FSTL4: variants seen among roughly 807,000 people sequenced by gnomAD.
The protein encoded by FSTL4 is follistatin like 4.
FSTL4 carries 28 observed loss-of-function variants against 78.2 expected under a neutral mutation model. The observed-to-expected ratio is 0.36, with a 90% CI of 0.27 to 0.49. FSTL4 has a LOEUF of 0.49. FSTL4 is among the 20% of genes least tolerant of loss of function. The pLI is 0.98. For synonymous variants in FSTL4, 422 were observed against 440.5 expected (o/e 0.96, Z 0.53); for missense variants, 922 against 1,084.9 (o/e 0.85, Z 2.11).
the FSTL4 span, among the ~76,000 whole-genome samples, chr5:133,803,546 C>T: frequency 6.6e-6 from 1 of 152,184 alleles, no homozygotes; most frequent in Non-Finnish European, 1.5e-5. Context: ...CCCAGACCGT[C>T]TCTCCTCCCA....
the FSTL4 span, among the ~76,000 whole-genome samples, chr5:133,736,978 C>T: frequency 6.6e-6 from 1 of 151,912 alleles, no homozygotes; most frequent in Non-Finnish European, 1.5e-5. Context: ...TTATGGGGTA[C>T]ATGAGATGTT....
intron 3 of FSTL4, among the ~76,000 whole-genome samples, chr5:133,479,978 T>C (rs965295649): frequency 1.3e-5 from 2 of 152,120 alleles, no homozygotes; most frequent in African/African-American, 4.8e-5. Flanking sequence ...ACAAAATAAA[T>C]TGAATAAAAA....
the FSTL4 span, among the ~76,000 whole-genome samples, chr5:133,646,676 C>T: frequency 6.6e-6 from 1 of 151,924 alleles, no homozygotes; most frequent in East Asian, 1.9e-4. Flanking sequence ...GGAGATAGAA[C>T]TGTCAGGAAT....
At chr5:133,399,421 C>G (rs25734) in intron 4 of FSTL4, among the ~76,000 whole-genome samples, 113,391 of 152,138 alleles carry the variant, frequency 0.75, 42,442 homozygotes, top group Middle Eastern at 0.81. Flanking sequence ...TGTCATCACC[C>G]GGTAAAGGCA....
intron 6 of FSTL4, among the ~76,000 whole-genome samples, chr5:133,255,164 A>G (rs910962415): frequency 6.6e-6 from 1 of 152,218 alleles, no homozygotes; most frequent in Non-Finnish European, 1.5e-5. Context: ...ATCAGGGGTC[A>G]GTGAGAGAGG....
rs1363645074 is a variant in FSTL4 at position 133,440,525 on chromosome 5, G to A, written c.161-39539C>T. On this transcript the variant is annotated intron_variant, in intron 3 of 15. Coordinates refer to ENST00000265342, the MANE Select transcript of FSTL4 (RefSeq NM_015082.2). This position sits in a 1 kb window ranked among gnomAD's most constrained non-coding sequence, Gnocchi z 4.1. ...GCTGAGACTTTAAATTCAACTTCCT[G>A]GGAGAAGCAGTCGGTACTGGACTTA... Among the ~76,000 whole-genome samples, 1 of 152,194 alleles carries A rather than the reference G, an allele frequency of 6.6e-6. No homozygotes were observed.
Position 133,577,617 on chromosome 5 carries a change from C to A in FSTL4, c.127-10398G>T, listed in dbSNP as rs549804779. On this transcript the variant is annotated intron_variant, in intron 2 of 15. Coordinates refer to ENST00000265342, the MANE Select transcript of FSTL4 (RefSeq NM_015082.2). Reference sequence around the variant, plus strand: ...GGCTGAGCTTGCCTTTCTCATCTTCCCAGAAGACCAGATGTGAAGGGGAGA... The same window carrying A: ...GGCTGAGCTTGCCTTTCTCATCTTCACAGAAGACCAGATGTGAAGGGGAGA... Among the ~76,000 whole-genome samples, 5 of 152,278 alleles carry A rather than the reference C, an allele frequency of 3.3e-5. No individual in the cohort carries two copies. The East Asian group carries it at 9.6e-4, about 29-fold the overall frequency.
intron 3 of FSTL4, among the ~76,000 whole-genome samples, chr5:133,436,689 A>C (rs12186677): frequency 6.6e-6 from 1 of 151,878 alleles, no homozygotes; most frequent in Non-Finnish European, 1.5e-5. Flanking sequence ...AGTAGTATTT[A>C]CACTACGGAA....
intron 3 of FSTL4, among the ~76,000 whole-genome samples, chr5:133,420,746 G>T (rs1277559657): frequency 6.6e-6 from 1 of 152,228 alleles, no homozygotes; most frequent in Non-Finnish European, 1.5e-5. Flanking sequence ...CTCTGTTCAT[G>T]GCTGCAGCCA....
chr5:133,643,376 G>A, the FSTL4 span, among the ~76,000 whole-genome samples: 2 of 152,118 alleles, frequency 1.3e-5, no homozygotes, highest in Non-Finnish European at 2.9e-5. Context: ...CATATCCATT[G>A]GGAAGAAAAG....
At chr5:133,360,048 C>T (rs1755035290) in intron 4 of FSTL4, among the ~76,000 whole-genome samples, 1 of 152,220 alleles carries the variant, frequency 6.6e-6, no homozygotes, top group African/African-American at 2.4e-5. Context: ...GAAGTGCTGC[C>T]CAGGAATCAA....
intron 6 of FSTL4, among the ~76,000 whole-genome samples, chr5:133,271,871 T>G (rs1423286009): frequency 2.6e-5 from 4 of 152,182 alleles, no homozygotes; most frequent in Non-Finnish European, 5.9e-5. Context: ...TGCACGGTGC[T>G]GGGTGGCATG....
chr5:133,302,569 G>A (rs1753567884), intron 6 of FSTL4, among the ~76,000 whole-genome samples: 2 of 152,204 alleles, frequency 1.3e-5, no homozygotes. Flanking sequence ...TGCTAGGGTG[G>A]CTTGGCACTG....
At chr5:133,420,208 A>AAACTGATT (rs936180838) in intron 3 of FSTL4, among the ~76,000 whole-genome samples, 9 of 152,180 alleles carry the variant, frequency 5.9e-5, no homozygotes, top group Non-Finnish European at 1.3e-4. Context: ...GCTAAAACTA[A>AAACTGATT]TCTACGATGC....
At chr5:133,565,060 G>A (rs572878758) in intron 3 of FSTL4, among the ~76,000 whole-genome samples, 1 of 152,280 alleles carries the variant, frequency 6.6e-6, no homozygotes, top group East Asian at 1.9e-4. Flanking sequence ...ACCTCCTCAG[G>A]TTCTGTGACT....
At chr5:133,273,339 C>A (rs529581030) in intron 6 of FSTL4, among the ~76,000 whole-genome samples, 62 of 152,216 alleles carry the variant, frequency 4.1e-4, no homozygotes, top group Non-Finnish European at 8.2e-4. Flanking sequence ...GTATTTTATA[C>A]TTACATCTCA....
At chr5:133,416,743 CTA>C (rs2126983918) in intron 3 of FSTL4, among the ~76,000 whole-genome samples, 1 of 152,260 alleles carries the variant, frequency 6.6e-6, no homozygotes, top group African/African-American at 2.4e-5. Context: ...CAGACAAACT[CTA>C]ATAGAAATAA....
intron 4 of FSTL4, among the ~76,000 whole-genome samples, chr5:133,339,325 G>C (rs758534353): frequency 9.2e-5 from 14 of 152,190 alleles, no homozygotes; most frequent in Non-Finnish European, 1.9e-4. Context: ...GCAGGAATAG[G>C]ACACCTCTGG....
At chr5:133,632,260 T>A in the FSTL4 span, among the ~76,000 whole-genome samples, 3 of 152,198 alleles carry the variant, frequency 2.0e-5, no homozygotes, top group African/African-American at 7.2e-5. Flanking sequence ...CTCCCCTGTT[T>A]ATAATATAAG....
Sources: allele counts gnomAD v4.1 joint callset (sites outside exome capture counted in the v4.1 genomes callset), GRCh38; gene constraint gnomAD v4.1.1; non-coding constraint Gnocchi (gnomAD v3.1); transcripts MANE v1.5; gene names NCBI Gene and HGNC (gene_info 2026-07-23, HGNC 2026-07-21).